The following DMD variants were observed in gnomAD, a reference collection of about 807,000 sequenced individuals.
The protein encoded by DMD is mutant dystrophin.
DMD carries 63 observed loss-of-function variants against 330.1 expected under a neutral mutation model. The observed-to-expected ratio is 0.19, with a 90% confidence interval of 0.16 to 0.24. The LOEUF is 0.24. Ranked by LOEUF, DMD falls within the 10% of genes least tolerant of loss-of-function variation. The pLI is 1.00. For missense variants in DMD, 3,344 were observed against 2,684.1 expected, an observed-to-expected ratio of 1.25 and a Z score of -5.43; for synonymous variants, 1,223 against 959.8, an observed-to-expected ratio of 1.27 and a Z score of -5.07.
chrX:32,306,576 A>C (rs2097541047), intron 42 of DMD, among the ~76,000 whole-genome samples: 1 of 111,370 alleles, frequency 9.0e-6, no homozygotes, highest in Non-Finnish European at 1.9e-5. Flanking sequence ...CTGTACTATA[A>C]TTGGTTTTGA....
intron 43 of DMD, among the ~76,000 whole-genome samples, chrX:32,251,001 TGGACACAG>T (rs1304251597): frequency 1.9e-5 from 2 of 105,796 alleles, no homozygotes; most frequent in Non-Finnish European, 3.9e-5. Flanking sequence ...TGAGAACACA[TGGACACAG>T]GGAGGGGAAC....
At chrX:31,708,681 C>G (rs1603450076) in intron 52 of DMD, among the ~76,000 whole-genome samples, 2 of 111,557 alleles carry the variant, frequency 1.8e-5, no homozygotes, top group African/African-American at 3.3e-5. Flanking sequence ...CTATAATAAA[C>G]TTTCTCCAAA....
chrX:32,202,444 C>T (rs754926175), intron 44 of DMD, among the ~76,000 whole-genome samples: 103 of 111,686 alleles, frequency 9.2e-4, no homozygotes, highest in African/African-American at 3.2e-3. Context: ...CTCCGCCTCT[C>T]GGGTTCAAGC....
intron 11 of DMD, among the ~76,000 whole-genome samples, chrX:32,625,382 T>C (rs766534688): frequency 1.3e-4 from 15 of 111,305 alleles, no homozygotes; most frequent in Non-Finnish European, 2.4e-4. Flanking sequence ...ATAATAATTA[T>C]AATTTACCTA....
At chrX:31,621,146 T>C (rs2078508580) in intron 55 of DMD, among the ~76,000 whole-genome samples, 1 of 111,863 alleles carries the variant, frequency 8.9e-6, no homozygotes, top group African/African-American at 3.2e-5. Flanking sequence ...AACTCATGAT[T>C]GAGTGAAGAC....
chrX:33,334,518 G>A lies in DMD; in HGVS notation c.7+4741C>T, dbSNP rs1218271624. On this transcript the variant is annotated intron_variant, in intron 1 of 17. Coordinates refer to the DMD transcript ENST00000288447. The stretch of plus-strand genomic sequence containing the variant: ...GTCATAAGTACTCAACTGTGTTTTA[G>A]CATGAAAGGAGTCCTATATAGCATA... Among the ~76,000 whole-genome samples the A allele has an allele frequency of 4.5e-5, 5 of 111,407 alleles. No homozygotes were observed. The East Asian group carries it at 1.4e-3, about 32-fold the overall frequency.
intron 30 of DMD, among the ~76,000 whole-genome samples, chrX:32,401,173 G>A (rs2098083603): frequency 1.2e-5 from 1 of 83,474 alleles, no homozygotes; most frequent in Non-Finnish European, 2.3e-5. Context: ...ACACACCGGG[G>A]ACTGTTGTGG....
chrX:32,343,160 C>A lies in DMD; in HGVS notation c.5713G>T (p.Glu1905Ter), dbSNP rs1557291003. ...TTTATTTTCCTTTCATCTCTGGGCTCAGGTAGGCTGGCTAATTTTTTTTCA... is the reference window on the plus strand; with the variant it reads ...TTTATTTTCCTTTCATCTCTGGGCTAAGGTAGGCTGGCTAATTTTTTTTCA... Reference protein sequence around the residue: ...DIEKKLASLPEPRDERKIKEI... With the variant: ...DIEKKLASLP The change falls in exon 40 of 79, where the codon GAG becomes TAG. Residue 1905 changes from glutamate to a stop codon, truncating the protein, a stop_gained. Transcript: ENST00000357033. LOFTEE classifies it high-confidence loss of function. The A allele has an allele frequency of 8.3e-7, 1 of 1,210,823 alleles. No individual in the cohort carries two copies.
chrX:31,485,185 A>T (rs1038472164), intron 57 of DMD, among the ~76,000 whole-genome samples: 6 of 111,927 alleles, frequency 5.4e-5, no homozygotes, highest in East Asian at 2.8e-4. Context: ...GATTATTATT[A>T]TTTTTATTTA....
At chrX:32,916,241 T>A (rs1280568545) in intron 2 of DMD, among the ~76,000 whole-genome samples, 1 of 111,718 alleles carries the variant, frequency 9.0e-6, no homozygotes, top group African/African-American at 3.2e-5. Context: ...GCTATATTTT[T>A]GAACTATTTC....
At chrX:33,271,110 G>A (rs910790481) in intron 1 of DMD, among the ~76,000 whole-genome samples, 6 of 111,302 alleles carry the variant, frequency 5.4e-5, no homozygotes, top group African/African-American at 2.0e-4. Flanking sequence ...TGAATATAAA[G>A]TAACTGTATA....
In DMD at chrX:32,714,583, G is replaced by A. The variant is rs139179475; in HGVS notation, c.650-15290C>T. Among the ~76,000 whole-genome samples, 21 of 111,195 alleles carry A rather than the reference G, an allele frequency of 1.9e-4. No individual in the cohort carries two copies. In the East Asian group the frequency reaches 4.9e-3, roughly 26 times the overall value. On this transcript the variant is annotated intron_variant, in intron 7 of 78. Coordinates refer to ENST00000357033, the MANE Select transcript of DMD (RefSeq NM_004006.3). ...ACTCATGGACACAACTTGATTCCAC[G>A]ATTTTGCTATTACGCATAGTGCTCC...
At position 32,969,028 on chromosome X, in the gene DMD, A is replaced by C. The variant is rs868299435; in HGVS notation, c.93+51111T>G. Among the ~76,000 whole-genome samples, 26 of 18,398 alleles carry C rather than the reference A, an allele frequency of 1.4e-3. No homozygotes were observed. The African/African-American group carries it at 0.015, about 10-fold the overall frequency. 16.0% of individuals were successfully genotyped at this position (18,398 alleles called of 115,157 possible). A position where few individuals can be genotyped will look rare whatever the true frequency, so the allele number is the denominator to read the frequency against. ...GGGAGACAGAATGAGATTCTGTCTC[A>C]AAAAAAAAAAAAAAAAAAAAAAAAA... On this transcript the variant is annotated intron_variant, in intron 2 of 78. Coordinates refer to ENST00000357033, the MANE Select transcript of DMD (RefSeq NM_004006.3).
intron 48 of DMD, among the ~76,000 whole-genome samples, chrX:31,870,033 G>T (rs1235384754): frequency 9.0e-6 from 1 of 111,632 alleles, no homozygotes; most frequent in Non-Finnish European, 1.9e-5. Flanking sequence ...AGTTCGTTCA[G>T]CTAGTCCTTC....
rs1360962455 is a variant in DMD at position 31,965,286 on chromosome X, A to T, written c.6614+3053T>A. ...GATAAACAGACAGCTGGCTAGGATC[A>T]TTTTTTTATGCCTTGGACTTCTTTG... On this transcript the variant is annotated intron_variant, in intron 45 of 78. Coordinates refer to ENST00000357033, the MANE Select transcript of DMD (RefSeq NM_004006.3). Among the ~76,000 whole-genome samples, 2 of 111,518 alleles carry T rather than the reference A, an allele frequency of 1.8e-5. 1 individual carries two copies. Among genetic ancestry groups the T allele is most frequent in the Admixed American group, 1.9e-4 (2 of 10,505 alleles).
At chrX:33,309,559 T>G (rs996315446) in intron 1 of DMD, among the ~76,000 whole-genome samples, 1 of 111,391 alleles carries the variant, frequency 9.0e-6, no homozygotes, top group Non-Finnish European at 1.9e-5. Flanking sequence ...TTTATATATA[T>G]AGATATGTGA....
At chrX:31,175,239 A>G (rs762201345) in intron 71 of DMD, among the ~76,000 whole-genome samples, 5 of 111,575 alleles carry the variant, frequency 4.5e-5, no homozygotes, top group African/African-American at 1.6e-4. Flanking sequence ...ATACATTAGT[A>G]GTGTTTTCCC....
chrX:32,947,910 T>C (rs1435132299), intron 2 of DMD, among the ~76,000 whole-genome samples: 1 of 111,185 alleles, frequency 9.0e-6, no homozygotes, highest in Non-Finnish European at 1.9e-5. Context: ...CTATTTGAGG[T>C]ACAACAGACC....
At chrX:33,238,639 G>T (rs5972787) in intron 1 of DMD, among the ~76,000 whole-genome samples, 2 of 110,829 alleles carry the variant, frequency 1.8e-5, no homozygotes, top group Non-Finnish European at 3.8e-5. Flanking sequence ...ACACAGTATT[G>T]TGTAAGTAGA....
Sources: allele counts gnomAD v4.1 joint callset (sites outside exome capture counted in the v4.1 genomes callset), GRCh38; gene constraint gnomAD v4.1.1; transcripts MANE v1.5; gene names NCBI Gene and HGNC (gene_info 2026-07-23, HGNC 2026-07-21).